MARCHF5: variants seen among roughly 807,000 people sequenced by gnomAD.
MARCHF5 encodes membrane associated ring-CH-type finger 5.
Under a neutral mutation model 36.5 loss-of-function variants are expected in MARCHF5, and 5 were observed. The observed-to-expected ratio is 0.14, with a 90% CI of 0.07 to 0.29. MARCHF5 has a LOEUF of 0.29. Among genes scored for constraint, MARCHF5 ranks in the 10% least tolerant of loss-of-function variants. The pLI is 1.00. For missense variants in MARCHF5, 179 were observed against 336.3 expected (o/e 0.53, Z 3.66); for synonymous variants, 103 against 109.9 (o/e 0.94, Z 0.39).
intron 2 of MARCHF5, among the ~76,000 whole-genome samples, chr10:92,319,940 C>T (rs1843269493): frequency 7.3e-6 from 1 of 136,544 alleles, no homozygotes; most frequent in South Asian, 2.3e-4. Flanking sequence ...GCGTGAGCCA[C>T]TGCACCTGGC....
intron 1 of MARCHF5, among the ~76,000 whole-genome samples, chr10:92,303,911 A>C (rs1366854830): frequency 6.6e-6 from 1 of 152,168 alleles, no homozygotes; most frequent in Non-Finnish European, 1.5e-5. Flanking sequence ...TTGTTCCCTG[A>C]ACCAATCATG....
At chr10:92,327,687 G>GC (rs1176774831) in intron 2 of MARCHF5, among the ~76,000 whole-genome samples, 1 of 152,204 alleles carries the variant, frequency 6.6e-6, no homozygotes, top group Non-Finnish European at 1.5e-5. Flanking sequence ...TCAATACACA[G>GC]AACTAGTTAT....
Position 92,322,468 on chromosome 10 carries a change from C to T in MARCHF5, c.238+11131C>T, listed in dbSNP as rs545485263. Among the ~76,000 whole-genome samples the T allele has an allele frequency of 3.5e-5, 5 of 144,392 alleles. No homozygotes were observed. In the East Asian group the frequency reaches 1.0e-3, roughly 29 times the overall value. The allele number at this position is 144,392 out of a possible 152,430, so 94.7% of individuals were successfully genotyped here. On this transcript the variant is annotated intron_variant, in intron 2 of 5. Transcript: ENST00000358935. ...TTTTTTTTTTTTTTTGAGACAGGGC[C>T]TCACTCTGTCAAACATGCTGGGATG...
rs909682170 is a variant in MARCHF5 at position 92,311,124 on chromosome 10, T to C, written c.36-11T>C. 1.9e-6 allele frequency: 3 copies of C among 1,598,556 alleles called. No homozygotes were observed. The African/African-American group carries it at 4.1e-5, about 22-fold the overall frequency. ...GATATAAATGTCATCCTTTTCTCTT[T>C]TAATTTACAGAAGTTGCTGGGTTTG... On this transcript the variant is annotated splice_polypyrimidine_tract_variant and intron_variant, in intron 1 of 5. Transcript: ENST00000358935.
Position 92,349,847 on chromosome 10 carries a change from C to T in MARCHF5, c.720+10C>T. The T allele has an allele frequency of 1.2e-6, 2 of 1,601,524 alleles. No homozygotes were observed. Among genetic ancestry groups the T allele is most frequent in the Non-Finnish European group, 1.7e-6 (2 of 1,171,226 alleles). ...ACAAAGGACAATCTTGGTAAGACGGCTTTAACATTACTTATATTACCTTGC... is the reference window on the plus strand; with the variant it reads ...ACAAAGGACAATCTTGGTAAGACGGTTTTAACATTACTTATATTACCTTGC... On this transcript the variant is annotated intron_variant, in intron 5 of 5. Coordinates refer to ENST00000358935, the MANE Select transcript of MARCHF5 (RefSeq NM_017824.5).
At chr10:92,338,875 A>G (rs1412812741) in intron 2 of MARCHF5, among the ~76,000 whole-genome samples, 1 of 152,148 alleles carries the variant, frequency 6.6e-6, no homozygotes, top group African/African-American at 2.4e-5. Flanking sequence ...TAATTCTTAC[A>G]CATTTCTAAG....
At chr10:92,328,814 TATATA>T (rs1843400473) in intron 2 of MARCHF5, among the ~76,000 whole-genome samples, 1 of 68,768 alleles carries the variant, frequency 1.5e-5, no homozygotes, top group African/African-American at 3.8e-5. Flanking sequence ...TATATATATA[TATATA>T]TATTTTTTTT....
At chr10:92,327,700 C>T (rs952120284) in intron 2 of MARCHF5, among the ~76,000 whole-genome samples, 1 of 152,170 alleles carries the variant, frequency 6.6e-6, no homozygotes, top group East Asian at 1.9e-4. Context: ...CTAGTTATAT[C>T]TGCTGCCTTA....
chr10:92,315,028 G>A (rs1445497251), intron 2 of MARCHF5, among the ~76,000 whole-genome samples: 2 of 152,212 alleles, frequency 1.3e-5, no homozygotes, highest in Admixed American at 6.5e-5. Context: ...CTTTCAGGTG[G>A]TGGGCTCTTC....
chr10:92,335,280 G>A (rs1176217264), intron 2 of MARCHF5, among the ~76,000 whole-genome samples: 1 of 151,982 alleles, frequency 6.6e-6, no homozygotes, highest in African/African-American at 2.4e-5. Flanking sequence ...ACAACCCCTG[G>A]CCCCAAATCA....
At chr10:92,344,821 G>A (rs539633002) in intron 3 of MARCHF5, among the ~76,000 whole-genome samples, 5 of 152,036 alleles carry the variant, frequency 3.3e-5, no homozygotes, top group Non-Finnish European at 7.4e-5. Context: ...CATTTTTATT[G>A]AAAAGACAAC....
At chr10:92,295,067 T>C (rs921514070) in intron 1 of MARCHF5, among the ~76,000 whole-genome samples, 4 of 152,152 alleles carry the variant, frequency 2.6e-5, no homozygotes, top group African/African-American at 9.7e-5. Context: ...AAATCAATTA[T>C]TAAACATTTA....
At chr10:92,303,869 G>A (rs1843043824) in intron 1 of MARCHF5, among the ~76,000 whole-genome samples, 1 of 152,038 alleles carries the variant, frequency 6.6e-6, no homozygotes, top group South Asian at 2.1e-4. Context: ...GTTCTCTTCT[G>A]TTGTCTTCAT....
chr10:92,326,249 C>G (rs1843356375), intron 2 of MARCHF5, among the ~76,000 whole-genome samples: 1 of 152,052 alleles, frequency 6.6e-6, no homozygotes, highest in African/African-American at 2.4e-5. Flanking sequence ...GCCCCTATTG[C>G]CTATTCTTCC....
At chr10:92,343,507 C>G (rs1471258718) in intron 3 of MARCHF5, among the ~76,000 whole-genome samples, 1 of 152,172 alleles carries the variant, frequency 6.6e-6, no homozygotes, top group East Asian at 1.9e-4. Flanking sequence ...TCTGTATTCC[C>G]TGTTACAGCA....
intron 3 of MARCHF5, among the ~76,000 whole-genome samples, chr10:92,344,639 C>G (rs1843619673): frequency 6.6e-6 from 1 of 152,190 alleles, no homozygotes; most frequent in African/African-American, 2.4e-5. Flanking sequence ...GGTTTGCCTT[C>G]TAACACTTGA....
At chr10:92,320,354 A>G (rs1843276197) in intron 2 of MARCHF5, among the ~76,000 whole-genome samples, 1 of 152,018 alleles carries the variant, frequency 6.6e-6, no homozygotes, top group Non-Finnish European at 1.5e-5. Context: ...ACCATACCCA[A>G]CCACTTGTTA....
chr10:92,318,947 T>G (rs9731967), intron 2 of MARCHF5, among the ~76,000 whole-genome samples: 1 of 152,006 alleles, frequency 6.6e-6, no homozygotes, highest in Admixed American at 6.5e-5. Flanking sequence ...CCTCAGGTGA[T>G]CCACCCGCCT....
Position 92,349,707 on chromosome 10 carries a change from C to A in MARCHF5, c.590C>A (p.Ala197Asp). 7 of 1,614,066 alleles carry A rather than the reference C, an allele frequency of 4.3e-6. No homozygotes were observed. The highest frequency in any genetic ancestry group is 5.9e-6 in the Non-Finnish European group (7 of 1,179,990). ...CCTGTTCCTCGAATTCCAGCTGAGG[C>A]CAATCCTTTAGCAGATCATGTCTCT... Reference protein sequence around the residue: ...GCPVPRIPAEANPLADHVSAT... With the variant: ...GCPVPRIPAEDNPLADHVSAT... The change falls in exon 5 of 6, where the codon GCC (alanine) becomes GAC (aspartate). Residue 197 changes from alanine to aspartate, a missense_variant. By Grantham distance (126) the Ala-to-Asp change is moderately radical. Coordinates refer to ENST00000358935, the MANE Select transcript of MARCHF5 (RefSeq NM_017824.5).
Sources: gnomAD v4.1 joint callset for allele counts (sites outside exome capture counted in the v4.1 genomes callset) on GRCh38, gnomAD v4.1.1 for gene constraint, MANE v1.5 for transcripts, NCBI Gene and HGNC (gene_info 2026-07-23, HGNC 2026-07-21) for gene names.